Variants in ATP8B4 observed in about 807,000 individuals in gnomAD.
ATP8B4 encodes probable phospholipid-transporting ATPase IM.
Under a neutral mutation model 145.6 loss-of-function variants are expected in ATP8B4, and 133 were observed. The observed-to-expected ratio is 0.91, with a 90% CI of 0.79 to 1.05. The LOEUF (loss-of-function observed/expected upper bound fraction) is 1.05. ATP8B4 is among the 50% of genes least tolerant of loss of function. ATP8B4 has a pLI of 0.00. For missense variants in ATP8B4, 1,458 were observed against 1,425.2 expected, an observed-to-expected ratio of 1.02 and a Z score of -0.37; for synonymous variants, 507 against 492.9, an observed-to-expected ratio of 1.03 and a Z score of -0.38.
Position 49,931,167 on chromosome 15 carries a change from G to C in ATP8B4, c.1594C>G (p.Leu532Val). The change falls in exon 16 of 28, where the codon CTT becomes GTT. Residue 532 changes from leucine to valine, a missense_variant. Leu to Val is a conservative substitution (Grantham distance 32, BLOSUM62 1). Transcript: ENST00000284509. ...GTGTTGTTGAAATCCAAAAAGGCAA[G>C]TAATTGATAAGTAACTAGTGTTCCC... ...ELGTLVTYQL[L>V]AFLDFNNTRK... is the part of the protein sequence containing the mutation. 6.2e-7 allele frequency: 1 copy of C among 1,612,312 alleles called. No individual in the cohort carries two copies. The highest frequency in any genetic ancestry group is 1.1e-5 in the South Asian group (1 of 90,960).
At chr15:50,040,403 T>C (rs2051184066) in intron 5 of ATP8B4, among the ~76,000 whole-genome samples, 1 of 152,220 alleles carries the variant, frequency 6.6e-6, no homozygotes. Context: ...CTGCTTTTCC[T>C]TGCCCACACC....
chr15:50,087,395 A>G (rs1435552454), intron 2 of ATP8B4, among the ~76,000 whole-genome samples: 10 of 144,056 alleles, frequency 6.9e-5, no homozygotes, highest in Non-Finnish European at 1.5e-4. Context: ...TATTATACAT[A>G]TCATATATTT....
intron 14 of ATP8B4, among the ~76,000 whole-genome samples, chr15:49,956,671 G>A (rs144132929): frequency 6.1e-4 from 93 of 152,192 alleles, no homozygotes; most frequent in African/African-American, 2.2e-3. Context: ...CCTCTCAAGT[G>A]TCTAGGACTA....
At chr15:50,066,983 ACTTT>A (rs1280989600) in intron 3 of ATP8B4, among the ~76,000 whole-genome samples, 3 of 151,932 alleles carry the variant, frequency 2.0e-5, no homozygotes, top group Admixed American at 6.6e-5. Context: ...CTTCCTTAAC[ACTTT>A]CCTACACTGT....
intron 1 of ATP8B4, among the ~76,000 whole-genome samples, chr15:50,157,963 G>T (rs1261553719): frequency 6.6e-6 from 1 of 152,196 alleles, no homozygotes; most frequent in African/African-American, 2.4e-5. Context: ...CGCTGTGTTG[G>T]CTGGGCTGGT....
chr15:49,983,954 A>T (rs897760868), intron 10 of ATP8B4, among the ~76,000 whole-genome samples: 1 of 152,248 alleles, frequency 6.6e-6, no homozygotes, highest in Non-Finnish European at 1.5e-5. Flanking sequence ...AAATCATATG[A>T]GTGAAGGTAC....
At chr15:50,156,062 AT>A (rs1241031415) in intron 1 of ATP8B4, among the ~76,000 whole-genome samples, 832 of 25,516 alleles carry the variant, frequency 0.033, 30 homozygotes, top group African/African-American at 0.071. Context: ...TTGGTAATAA[AT>A]AAATAAATAA....
At chr15:50,136,609 C>T (rs1317207665) in intron 1 of ATP8B4, among the ~76,000 whole-genome samples, 1 of 152,208 alleles carries the variant, frequency 6.6e-6, no homozygotes, top group African/African-American at 2.4e-5. Flanking sequence ...CCTCCCTTCT[C>T]TCTTTTTGAA....
At position 50,087,348 on chromosome 15, in the gene ATP8B4, C is replaced by CGA. The variant is rs2055273270; in HGVS notation, c.29-13164_29-13163insTC. On this transcript the variant is annotated intron_variant, in intron 2 of 27. Transcript: ENST00000284509. Reference sequence around the variant, plus strand: ...ATCTATATTTATATATAATATAGATCTATATATTATATATAATAAAATAAT... The same window carrying CGA: ...ATCTATATTTATATATAATATAGATCGATATATATTATATATAATAAAATAAT... Among the ~76,000 whole-genome samples, 2 of 133,888 alleles carry CGA rather than the reference C, an allele frequency of 1.5e-5. 1 individual carries two copies. Among genetic ancestry groups the CGA allele is most frequent in the African/African-American group, 5.7e-5 (2 of 35,050 alleles). 87.8% of individuals were successfully genotyped at this position (133,888 alleles called of 152,430 possible).
chr15:49,909,448 G>A (rs989104845), intron 20 of ATP8B4, among the ~76,000 whole-genome samples: 1 of 152,058 alleles, frequency 6.6e-6, no homozygotes, highest in Non-Finnish European at 1.5e-5. Context: ...TGCAGCCCAG[G>A]GGCCCAAGGT....
chr15:50,171,169 A>G (rs536334302), intron 1 of ATP8B4, among the ~76,000 whole-genome samples: 52 of 152,216 alleles, frequency 3.4e-4, no homozygotes, highest in Non-Finnish European at 6.5e-4. Context: ...GAAAGTCAAT[A>G]AACAATGAAT....
At chr15:50,181,019 A>G (rs2044839365) in intron 1 of ATP8B4, among the ~76,000 whole-genome samples, 1 of 152,190 alleles carries the variant, frequency 6.6e-6, no homozygotes. Flanking sequence ...GACCAAACAG[A>G]TACCATTTCC....
chr15:50,146,686 T>A (rs2044281388), intron 1 of ATP8B4, among the ~76,000 whole-genome samples: 1 of 152,178 alleles, frequency 6.6e-6, no homozygotes, highest in Non-Finnish European at 1.5e-5. Context: ...TTCCGTCCCA[T>A]GGTCACCAAC....
At chr15:49,918,811 A>G in intron 19 of ATP8B4, 28 bp downstream of exon 19, 1 of 1,527,510 alleles carries the variant, frequency 6.5e-7, no homozygotes, top group Non-Finnish European at 9.0e-7. Context: ...CATTTTCAAA[A>G]TATCATCAAC....
intron 1 of ATP8B4, among the ~76,000 whole-genome samples, chr15:50,168,256 C>T (rs1050098562): frequency 4.6e-5 from 7 of 152,110 alleles, no homozygotes; most frequent in South Asian, 2.1e-4. Flanking sequence ...AGCTCCAGAG[C>T]GACTGCAAGA....
At chr15:50,054,287 G>A (rs750272820) in intron 3 of ATP8B4, among the ~76,000 whole-genome samples, 1 of 152,110 alleles carries the variant, frequency 6.6e-6, no homozygotes, top group Admixed American at 6.5e-5. Context: ...ATTACCAGAG[G>A]AAAAAGAAGC....
intron 23 of ATP8B4, among the ~76,000 whole-genome samples, chr15:49,892,266 A>G (rs1462680508): frequency 1.3e-5 from 2 of 152,186 alleles, no homozygotes; most frequent in Admixed American, 6.5e-5. Context: ...TGTTTTTAAT[A>G]AGAAAGCTAT....
At chr15:49,875,354 G>C (rs2034248334) in intron 25 of ATP8B4, among the ~76,000 whole-genome samples, 1 of 152,164 alleles carries the variant, frequency 6.6e-6, no homozygotes, top group Non-Finnish European at 1.5e-5. Context: ...CCACTAAAAA[G>C]ATGTCCCTGT....
At chr15:50,173,015 G>T (rs1365131233) in intron 1 of ATP8B4, among the ~76,000 whole-genome samples, 1 of 144,728 alleles carries the variant, frequency 6.9e-6, no homozygotes, top group East Asian at 2.1e-4. Context: ...GAGGTGGGGG[G>T]CAGCCCCCAT....
Sources: allele counts gnomAD v4.1 joint callset (sites outside exome capture counted in the v4.1 genomes callset), GRCh38; gene constraint gnomAD v4.1.1; transcripts MANE v1.5; gene names NCBI Gene and HGNC (gene_info 2026-07-23, HGNC 2026-07-21).